The following PIP4K2A variants were observed in gnomAD, a reference collection of about 807,000 sequenced individuals.
The protein encoded by PIP4K2A is phosphatidylinositol 5-phosphate 4-kinase type-2 alpha.
A neutral mutation model predicts 42.9 loss-of-function variants in PIP4K2A; 14 were observed. The observed-to-expected ratio is 0.33, with a 90% CI of 0.22 to 0.51. The LOEUF (loss-of-function observed/expected upper bound fraction) is 0.51. Ranked by LOEUF, PIP4K2A falls within the 20% of genes least tolerant of loss-of-function variation. The pLI, the probability that PIP4K2A is intolerant of heterozygous loss-of-function variation, is 0.97. For synonymous variants in PIP4K2A, 192 were observed against 192.2 expected (o/e 1.00, Z 0.01); for missense variants, 434 against 519.8 (o/e 0.83, Z 1.61).
intron 1 of PIP4K2A, among the ~76,000 whole-genome samples, chr10:22,622,459 C>T (rs547860116): frequency 6.6e-6 from 1 of 152,366 alleles, no homozygotes; most frequent in African/African-American, 2.4e-5. Flanking sequence ...GAGCCAGTTA[C>T]CATCTGTGCT....
intron 5 of PIP4K2A, 40 bp from the exon 6 acceptor site, chr10:22,567,929 G>A (rs754253143): frequency 5.1e-6 from 8 of 1,578,702 alleles, no homozygotes; most frequent in Non-Finnish European, 7.0e-6. Context: ...CGCATGGGAG[G>A]CATTGGGTTT....
intron 1 of PIP4K2A, among the ~76,000 whole-genome samples, chr10:22,679,955 C>T (rs1013832524): frequency 5.3e-5 from 8 of 151,646 alleles, no homozygotes; most frequent in African/African-American, 1.9e-4. Flanking sequence ...TTATACAACC[C>T]CTATATTTAA....
chr10:22,604,009 G>GCACACA (rs10571071), intron 3 of PIP4K2A, among the ~76,000 whole-genome samples: 35 of 149,674 alleles, frequency 2.3e-4, no homozygotes, highest in African/African-American at 7.1e-4. Flanking sequence ...ACGCGCGCAC[G>GCACACA]CACACACACA....
intron 6 of PIP4K2A, among the ~76,000 whole-genome samples, chr10:22,559,905 T>G (rs1388334556): frequency 6.6e-6 from 1 of 152,176 alleles, no homozygotes; most frequent in African/African-American, 2.4e-5. Context: ...ACCCCATTAA[T>G]GCAGCCCTGT....
At chr10:22,564,124 T>C (rs1268480401) in intron 6 of PIP4K2A, among the ~76,000 whole-genome samples, 1 of 152,214 alleles carries the variant, frequency 6.6e-6, no homozygotes, top group African/African-American at 2.4e-5. Flanking sequence ...CCTGGGTTTC[T>C]GGAAAGTGTG....
chr10:22,584,403 G>C (rs185694591), intron 4 of PIP4K2A, among the ~76,000 whole-genome samples: 6 of 152,288 alleles, frequency 3.9e-5, no homozygotes, highest in African/African-American at 1.4e-4. Context: ...GAATTGGGCA[G>C]AGATGTTTGG....
chr10:22,623,822 AG>A (rs2130751337), intron 1 of PIP4K2A, among the ~76,000 whole-genome samples: 1 of 152,332 alleles, frequency 6.6e-6, no homozygotes, highest in African/African-American at 2.4e-5. Context: ...ATCAACAAGA[AG>A]CCACGTGGCA....
intron 1 of PIP4K2A, among the ~76,000 whole-genome samples, chr10:22,691,249 T>C (rs1839860634): frequency 6.6e-6 from 1 of 152,160 alleles, no homozygotes; most frequent in South Asian, 2.1e-4. Flanking sequence ...CCCTCCTTTG[T>C]CCTTGTCATC....
chr10:22,685,059 C>A (rs1299729114), intron 1 of PIP4K2A, among the ~76,000 whole-genome samples: 1 of 152,036 alleles, frequency 6.6e-6, no homozygotes, highest in Non-Finnish European at 1.5e-5. Context: ...AGTAGATCTG[C>A]CATGTATATA....
At chr10:22,561,204 A>AT (rs918292748) in intron 6 of PIP4K2A, among the ~76,000 whole-genome samples, 12 of 151,752 alleles carry the variant, frequency 7.9e-5, no homozygotes, top group African/African-American at 2.9e-4. Flanking sequence ...GACAATGGTT[A>AT]TTTTTTTTTA....
intron 1 of PIP4K2A, among the ~76,000 whole-genome samples, chr10:22,670,770 A>T (rs571136035): frequency 3.3e-4 from 50 of 152,356 alleles, no homozygotes; most frequent in African/African-American, 1.2e-3. Context: ...AGTTGATATG[A>T]ATCATTACAA....
chr10:22,616,022 C>T (rs1735482264), intron 1 of PIP4K2A, among the ~76,000 whole-genome samples: 1 of 134,770 alleles, frequency 7.4e-6, no homozygotes, highest in South Asian at 2.6e-4. Flanking sequence ...TGCCTTGCTG[C>T]CCGGCCATTG....
intron 1 of PIP4K2A, among the ~76,000 whole-genome samples, chr10:22,665,807 TATAG>T (rs1839337842): frequency 1.3e-5 from 2 of 151,634 alleles, no homozygotes; most frequent in African/African-American, 2.4e-5. Context: ...TATTTATATA[TATAG>T]ACATACACAT....
rs73598582 is a variant in PIP4K2A at position 22,608,130 on chromosome 10, C to T, written c.243-107G>A. ...CAAAGAAGGGTTCAGAGTTCACTGC[C>T]TACCAAAAGCACAGGTGTGCTTCCT... On this transcript the variant is annotated intron_variant, in intron 2 of 9. Coordinates refer to ENST00000376573, the MANE Select transcript of PIP4K2A (RefSeq NM_005028.5). 6.6e-3 allele frequency: 4,363 copies of T among 661,722 alleles called. 135 individuals are homozygous for T. The highest frequency in any genetic ancestry group is 0.064 in the African/African-American group (3,577 of 55,588). 41.0% of individuals were successfully genotyped at this position (661,722 alleles called of 1,614,324 possible). A position where few individuals can be genotyped will look rare whatever the true frequency, so the allele number is the denominator to read the frequency against.
rs147909322 is a variant in PIP4K2A at position 22,595,869 on chromosome 10, G to C, written c.340-4088C>G. ...GGAAAATAAGCTTGGGGAGAGAACA[G>C]GCTGAATTAGACCTCTACCTTGGAT... On this transcript the variant is annotated intron_variant, in intron 3 of 9. Coordinates refer to ENST00000376573, the MANE Select transcript of PIP4K2A (RefSeq NM_005028.5). 5.4e-3 allele frequency among the ~76,000 whole-genome samples: 818 copies of C among 152,236 alleles called. 10 individuals carry two copies. The highest frequency in any genetic ancestry group is 0.019 in the African/African-American group (773 of 41,538).
chr10:22,571,516 G>A, intron 5 of PIP4K2A, among the ~76,000 whole-genome samples: 1 of 152,226 alleles, frequency 6.6e-6, no homozygotes, highest in South Asian at 2.1e-4. Context: ...ATTTGGAAGA[G>A]TCAAATAACT....
chr10:22,539,797 G>C (rs944973358), intron 9 of PIP4K2A, among the ~76,000 whole-genome samples, 174 bp downstream of exon 9: 8 of 151,882 alleles, frequency 5.3e-5, no homozygotes, highest in Non-Finnish European at 1.0e-4. Context: ...GGGAACAAGC[G>C]TCACTAAAGG....
intron 4 of PIP4K2A, among the ~76,000 whole-genome samples, chr10:22,574,910 G>A (rs1244925895): frequency 6.6e-6 from 1 of 152,164 alleles, no homozygotes; most frequent in Non-Finnish European, 1.5e-5. Context: ...TCTGTAGAAA[G>A]GTGGTTGGAT....
intron 1 of PIP4K2A, among the ~76,000 whole-genome samples, chr10:22,633,370 C>A (rs994294640): frequency 1.2e-4 from 18 of 152,204 alleles, no homozygotes; most frequent in African/African-American, 4.3e-4. Flanking sequence ...AAACACACAG[C>A]CTTTCTGTAG....
Sources: allele counts gnomAD v4.1 joint callset (sites outside exome capture counted in the v4.1 genomes callset), GRCh38; gene constraint gnomAD v4.1.1; transcripts MANE v1.5; gene names NCBI Gene and HGNC (gene_info 2026-07-23, HGNC 2026-07-21).